STXBP5: variants seen among roughly 807,000 people sequenced by gnomAD.
The protein encoded by STXBP5 is syntaxin-binding protein 5.
In STXBP5, 50 loss-of-function variants were observed where a neutral mutation model predicts 152.4. The observed-to-expected ratio is 0.33, with a 90% CI of 0.26 to 0.42. The LOEUF is 0.42. STXBP5 is among the 10% of genes least tolerant of loss of function. The pLI, the probability that STXBP5 is intolerant of heterozygous loss-of-function variation, is 1.00. For synonymous variants in STXBP5, 492 were observed against 494.7 expected (o/e 0.99, Z 0.07); for missense variants, 1,167 against 1,388.6 (o/e 0.84, Z 2.54).
chr6:147,241,780 G>A (rs769777419), intron 4 of STXBP5, among the ~76,000 whole-genome samples: 1 of 151,920 alleles, frequency 6.6e-6, no homozygotes, highest in African/African-American at 2.4e-5. Context: ...TAGCATCTTA[G>A]TGCAATACAT....
chr6:147,287,874 T>A (rs1781065354), intron 8 of STXBP5, among the ~76,000 whole-genome samples: 1 of 152,200 alleles, frequency 6.6e-6, no homozygotes, highest in Non-Finnish European at 1.5e-5. Flanking sequence ...AAAGCTATAT[T>A]CTTCAGATTT....
At chr6:147,367,501 G>A (rs1407635723) in intron 25 of STXBP5, among the ~76,000 whole-genome samples, 1 of 152,146 alleles carries the variant, frequency 6.6e-6, no homozygotes, top group African/African-American at 2.4e-5. Context: ...AGCCGGGCGT[G>A]GTGGTGGGTG....
chr6:147,204,735 T>C lies in STXBP5; in HGVS notation c.150+53T>C. On this transcript the variant is annotated intron_variant, in intron 1 of 27. Transcript: ENST00000321680. The surrounding 1 kb of genome is among the most constrained non-coding windows in gnomAD (Gnocchi z 4.3). Reference sequence around the variant, plus strand: ...CCGTCATTGAAAAATTGGGGTTGTTTTAAGGGGGCTACTCGGGCTTTACAT... The same window carrying C: ...CCGTCATTGAAAAATTGGGGTTGTTCTAAGGGGGCTACTCGGGCTTTACAT... The C allele has an allele frequency of 1.3e-6, 2 of 1,504,162 alleles. No individual in the cohort carries two copies. Among genetic ancestry groups the C allele is most frequent in the Non-Finnish European group, 1.8e-6 (2 of 1,122,588 alleles). 93.2% of individuals were successfully genotyped at this position (1,504,162 alleles called of 1,614,324 possible).
Position 147,363,658 on chromosome 6 carries a change from ATCT to A in STXBP5, c.2870_2872del (p.Ile957_Cys958delinsSer). 1 of 1,613,928 alleles carries A rather than the reference ATCT, an allele frequency of 6.2e-7. No individual in the cohort carries two copies. The stretch of plus-strand genomic sequence containing the variant: ...AGATATTGTAGCATTGAGTAACAGT[ATCT>A]GCCTTGCCTGTTTCTGTGCCAATGG... On this transcript the variant is annotated inframe_deletion, in exon 24 of 28. Coordinates refer to ENST00000321680, the MANE Select transcript of STXBP5 (RefSeq NM_001127715.4).
intron 26 of STXBP5, among the ~76,000 whole-genome samples, chr6:147,378,406 C>T (rs1200645386): frequency 1.7e-5 from 2 of 116,566 alleles, no homozygotes; most frequent in Non-Finnish European, 3.6e-5. Flanking sequence ...GTTGATTTAT[C>T]ATTAAAAAAA....
chr6:147,237,316 GT>G (rs199978893), intron 3 of STXBP5, among the ~76,000 whole-genome samples: 3 of 151,460 alleles, frequency 2.0e-5, no homozygotes, highest in African/African-American at 4.8e-5. Context: ...TAAAGATAGG[GT>G]TTTTTTTGTT....
chr6:147,251,899 A>G (rs1022538004), intron 4 of STXBP5, among the ~76,000 whole-genome samples: 4 of 152,196 alleles, frequency 2.6e-5, no homozygotes, highest in Non-Finnish European at 4.4e-5. Context: ...ACAGGCAGCA[A>G]TATTTGCTGT....
chr6:147,252,149 C>CA (rs1389965071), intron 4 of STXBP5, among the ~76,000 whole-genome samples: 1 of 152,054 alleles, frequency 6.6e-6, no homozygotes, highest in Non-Finnish European at 1.5e-5. Context: ...GCTGAAAATT[C>CA]AAAAACCAAA....
chr6:147,375,415 A>G (rs1785760785), intron 26 of STXBP5, among the ~76,000 whole-genome samples: 1 of 152,106 alleles, frequency 6.6e-6, no homozygotes, highest in Admixed American at 6.5e-5. Flanking sequence ...CCCAATAGAT[A>G]GGCTTAACTA....
chr6:147,304,861 A>G (rs1782008988), intron 9 of STXBP5, among the ~76,000 whole-genome samples: 1 of 151,892 alleles, frequency 6.6e-6, no homozygotes, highest in South Asian at 2.1e-4. Context: ...ATTTTGGCCA[A>G]TTTCTCCCAT....
intron 9 of STXBP5, among the ~76,000 whole-genome samples, chr6:147,297,243 AT>A: frequency 6.6e-6 from 1 of 152,294 alleles, no homozygotes; most frequent in East Asian, 1.9e-4. Context: ...TCTTCATTAG[AT>A]TATCAACGGA....
At chr6:147,270,930 G>A (rs1209861173) in intron 7 of STXBP5, among the ~76,000 whole-genome samples, 1 of 152,016 alleles carries the variant, frequency 6.6e-6, no homozygotes, top group Non-Finnish European at 1.5e-5. Flanking sequence ...GGTAGACTAT[G>A]ATAAAGATAT....
intron 3 of STXBP5, among the ~76,000 whole-genome samples, chr6:147,235,927 TATTG>T (rs1195180016): frequency 6.6e-6 from 1 of 152,118 alleles, no homozygotes; most frequent in Non-Finnish European, 1.5e-5. Context: ...TAACTGCAAG[TATTG>T]ATAGAGAGGG....
intron 4 of STXBP5, among the ~76,000 whole-genome samples, chr6:147,241,389 A>T (rs1328594248): frequency 6.6e-6 from 1 of 152,240 alleles, no homozygotes; most frequent in South Asian, 2.1e-4. Flanking sequence ...CTACCATTAC[A>T]GTATCATGTG....
At chr6:147,323,070 TTCTG>T (rs1373214611) in intron 16 of STXBP5, among the ~76,000 whole-genome samples, 1 of 143,474 alleles carries the variant, frequency 7.0e-6, no homozygotes, top group Non-Finnish European at 1.5e-5. Flanking sequence ...CCTCCCTTCC[TTCTG>T]TCTGATTGTA....
chr6:147,328,663 C>T, intron 18 of STXBP5: 1 of 465,744 alleles, frequency 2.1e-6, no homozygotes. Context: ...ATTTTTGTCT[C>T]CTTTTATTTC....
At chr6:147,312,651 C>T (rs1782443808) in intron 11 of STXBP5, among the ~76,000 whole-genome samples, 1 of 152,120 alleles carries the variant, frequency 6.6e-6, no homozygotes. Flanking sequence ...GTGAATAGTA[C>T]TGAGGTTGGG....
chr6:147,269,591 A>G (rs1413437746), intron 7 of STXBP5, among the ~76,000 whole-genome samples: 1 of 152,192 alleles, frequency 6.6e-6, no homozygotes, highest in Non-Finnish European at 1.5e-5. Context: ...ATATTAAAAC[A>G]AGTATTATTA....
At chr6:147,383,141 AC>A in intron 27 of STXBP5, 143 bp downstream of exon 27, 1 of 871,008 alleles carries the variant, frequency 1.1e-6, no homozygotes, top group Non-Finnish European at 1.7e-6. Context: ...GATTTTTGCC[AC>A]CAGAGGGAAC....
Sources: gnomAD v4.1 joint callset for allele counts (sites outside exome capture counted in the v4.1 genomes callset) on GRCh38, gnomAD v4.1.1 for gene constraint, Gnocchi (gnomAD v3.1) non-coding constraint, MANE v1.5 for transcripts, NCBI Gene and HGNC (gene_info 2026-07-23, HGNC 2026-07-21) for gene names.